Variants in ANO8 observed in about 807,000 individuals in gnomAD.
ANO8 encodes anoctamin-8.
In ANO8, 67 loss-of-function variants were observed where a neutral mutation model predicts 120.4. The ratio of observed to expected loss-of-function variants is 0.56; its 90% CI spans 0.46 to 0.68. ANO8 has a LOEUF of 0.68. Ranked by LOEUF, ANO8 falls within the 30% of genes least tolerant of loss-of-function variation. The probability of loss-of-function intolerance (pLI) is 0.00; values close to 1 mark genes in which losing one functional copy is unlikely to be tolerated. For synonymous variants in ANO8, 727 were observed against 759.2 expected (o/e 0.96, Z 0.70); for missense variants, 1,526 against 1,737.6 (o/e 0.88, Z 2.16).
rs1452965290 is a variant in ANO8, at chr19:17,334,710, G to A, written c.-40C>T. 6.0e-6 allele frequency: 8 copies of A among 1,337,296 alleles called. No individual in the cohort carries two copies. Among genetic ancestry groups the A allele is most frequent in the Non-Finnish European group, 5.7e-6 (6 of 1,044,460 alleles). The allele number at this position is 1,337,296 out of a possible 1,614,324, so 82.8% of individuals were successfully genotyped here. A position where few individuals can be genotyped will look rare whatever the true frequency, so the allele number is the denominator to read the frequency against. ...AGGTCAGGGGCTACGGACGGCCCGGGCGACGGGGAGCCGCGGGCTCATGGG... is the reference window on the plus strand; with the variant it reads ...AGGTCAGGGGCTACGGACGGCCCGGACGACGGGGAGCCGCGGGCTCATGGG... On this transcript the variant is annotated 5_prime_UTR_variant, in exon 1 of 18. Coordinates refer to ENST00000159087, the MANE Select transcript of ANO8 (RefSeq NM_020959.3).
chr19:17,331,389 C>G lies in ANO8; in HGVS notation c.609G>C (p.Gly203=). ...QPIIPELAAR[G]IIQQVFPVHE... ...GGACAGGGAACACCTGCTGGATGAT[C>G]CCACGTGCTGCCAGCTCCGGGACTG... The change falls in exon 6 of 18, where the codon GGG becomes GGC. Residue 203 remains glycine, a synonymous_variant. Transcript: ENST00000159087. The G allele has an allele frequency of 6.2e-7, 1 of 1,613,886 alleles. No homozygotes were observed. Among genetic ancestry groups the G allele is most frequent in the Non-Finnish European group, 8.5e-7 (1 of 1,179,994 alleles).
rs1568358847 is a variant in ANO8 at position 17,327,322 on chromosome 19, G to A, written c.2574C>T (p.Tyr858=). Residue 858 remains tyrosine, a synonymous_variant, in exon 16 of 18, where the codon TAC becomes TAT. Coordinates refer to ENST00000159087, the MANE Select transcript of ANO8 (RefSeq NM_020959.3). ...VLEHFALLLK[Y]LIHVAIPDIP... is the part of the protein sequence containing the mutation. ...TATCGGGGATGGCCACGTGGATGAG[G>A]TACTTGAGGAGCAGAGCGAAGTGCT... The A allele has an allele frequency of 1.3e-6, 2 of 1,550,360 alleles. No individual in the cohort carries two copies. Among genetic ancestry groups the A allele is most frequent in the African/African-American group, 1.4e-5 (1 of 73,124 alleles).
At position 17,333,068 on chromosome 19, in the gene ANO8, A is replaced by G. The variant is rs547988898; in HGVS notation, c.489+33T>C. The stretch of plus-strand genomic sequence containing the variant: ...GTGAGCTCAGGGAACTCATAGGCAC[A>G]GGATGCATGCGGGGGCCCAGAGCCG... On this transcript the variant is annotated intron_variant, in intron 4 of 17. Coordinates refer to ENST00000159087, the MANE Select transcript of ANO8 (RefSeq NM_020959.3). The surrounding 1 kb of genome is among the most constrained non-coding windows in gnomAD (Gnocchi z 7.2). 17 of 1,613,874 alleles carry G rather than the reference A, an allele frequency of 1.1e-5. No homozygotes were observed. The East Asian group carries it at 3.1e-4, about 30-fold the overall frequency.
chr19:17,330,597 C>G, intron 8 of ANO8, 93 bp from the exon 9 acceptor site: 1 of 1,440,930 alleles, frequency 6.9e-7, no homozygotes, highest in Non-Finnish European at 9.1e-7. Context: ...CAATTTCCCT[C>G]CATCATGCGG....
chr19:17,323,576 G>T lies in ANO8; in HGVS notation c.3640C>A (p.Pro1214Thr). 1 of 1,286,858 alleles carries T rather than the reference G, an allele frequency of 7.8e-7. No individual in the cohort carries two copies. 79.7% of individuals were successfully genotyped at this position (1,286,858 alleles called of 1,614,324 possible). A position where few individuals can be genotyped will look rare whatever the true frequency, so the allele number is the denominator to read the frequency against. The change falls in exon 18 of 18, where the codon CCC (proline) becomes ACC (threonine). Residue 1214 changes from proline (P) to threonine (T), a missense_variant. Physicochemically the swap from Pro to Thr is conservative, Grantham distance 38 (BLOSUM62 -1). Around this residue, in one of 8 missense-constraint regions of ANO8, gnomAD observed 489 missense variants for 548.6 expected, o/e 0.89. Coordinates refer to ENST00000159087, the MANE Select transcript of ANO8 (RefSeq NM_020959.3). ...PTSDPLETPA[P>T]SPSPSPSPQA... ...GGGCTGGGGCTGGGGCTAGGGGAGGGCGCTGGGGTCTCGAGGGGATCCGAG... is the reference window on the plus strand; with the variant it reads ...GGGCTGGGGCTGGGGCTAGGGGAGGTCGCTGGGGTCTCGAGGGGATCCGAG...
chr19:17,329,487 G>T, intron 12 of ANO8: 1 of 532,928 alleles, frequency 1.9e-6, no homozygotes, highest in Non-Finnish European at 3.4e-6. Flanking sequence ...AGCGGGACCA[G>T]CACCGCCTGC....
Position 17,328,593 on chromosome 19 carries a change from C to G in ANO8, c.1795G>C (p.Glu599Gln). The G allele has an allele frequency of 6.5e-7, 1 of 1,545,596 alleles. No individual in the cohort carries two copies. Among genetic ancestry groups the G allele is most frequent in the Non-Finnish European group, 8.7e-7 (1 of 1,145,506 alleles). The change falls in exon 13 of 18, where the codon GAG becomes CAG. Residue 599 changes from glutamate to glutamine, a missense_variant. Transcript: ENST00000159087. ...EEEDEEEEED[E>Q]EEGEEGGLLD... Reference sequence around the variant, plus strand: ...AGGCCCCCTTCCTCGCCCTCCTCCTCGTCCTCCTCTTCCTCCTCGTCCTCC... The same window carrying G: ...AGGCCCCCTTCCTCGCCCTCCTCCTGGTCCTCCTCTTCCTCCTCGTCCTCC...
rs377317921 is a variant in ANO8, at chr19:17,329,827, T to C, written c.1334A>G (p.Gln445Arg). Residue 445 changes from glutamine (Q) to arginine (R), a missense_variant, in exon 12 of 18, where the codon CAG (glutamine) becomes CGG (arginine). By Grantham distance (43) the Gln-to-Arg change is conservative (BLOSUM62 1). Around this residue, in one of 8 missense-constraint regions of ANO8, gnomAD observed 23 missense variants for 53.3 expected, o/e 0.43. Coordinates refer to ENST00000159087, the MANE Select transcript of ANO8 (RefSeq NM_020959.3). Reference protein sequence around the residue: ...KHLIIKVVLFQFVNSYLSLFY... With the variant: ...KHLIIKVVLFRFVNSYLSLFY... ...GAGGCTCAGGTACGAGTTGACAAACTGGAACTGCAGGAAGGAGGCAGGCGG... is the reference window on the plus strand; with the variant it reads ...GAGGCTCAGGTACGAGTTGACAAACCGGAACTGCAGGAAGGAGGCAGGCGG... 2 of 1,613,952 alleles carry C rather than the reference T, an allele frequency of 1.2e-6. No individual in the cohort carries two copies. Among genetic ancestry groups the C allele is most frequent in the South Asian group, 2.2e-5 (2 of 91,090 alleles).
rs755124 is a variant in ANO8 at position 17,325,042 on chromosome 19, G to T, written c.3006C>A (p.Ala1002=). ...GATSSLAAAG[A]GATTRPPPAQ... ...CAGGGGGAGGCCGGGTGGTGGCTCCGGCCCCTGCAGCAGCCAGTGAGGATG... is the reference window on the plus strand; with the variant it reads ...CAGGGGGAGGCCGGGTGGTGGCTCCTGCCCCTGCAGCAGCCAGTGAGGATG... The change falls in exon 17 of 18, where the codon GCC becomes GCA. Residue 1002 remains alanine (A), a synonymous_variant. Transcript: ENST00000159087. 156,891 of 1,612,926 alleles carry T rather than the reference G, an allele frequency of 0.097. 8,384 individuals carry two copies. The highest frequency in any genetic ancestry group is 0.11 in the Non-Finnish European group (130,899 of 1,179,852).
In ANO8 at chr19:17,324,970, G is replaced by A. The variant is rs1339510466; in HGVS notation, c.3078C>T (p.Ser1026=). The change falls in exon 17 of 18, where the codon AGC becomes AGT. Residue 1026 remains serine (S), a synonymous_variant. Coordinates refer to ENST00000159087, the MANE Select transcript of ANO8 (RefSeq NM_020959.3). ...TCTCGGGTGACTTGAGGAACTTGAA[G>A]CTGAGGAAGGCAGGCAGGCGGGTGT... is the stretch of plus-strand genomic sequence containing the variant. ...GSDTRLPAFL[S]FKFLKSPETR... The A allele has an allele frequency of 3.1e-6, 5 of 1,613,278 alleles. No homozygotes were observed. In the East Asian group the frequency reaches 8.9e-5, roughly 29 times the overall value.
At chr19:17,332,628 C>G (rs2074327402) in intron 5 of ANO8, among the ~76,000 whole-genome samples, 1 of 152,190 alleles carries the variant, frequency 6.6e-6, no homozygotes, top group Non-Finnish European at 1.5e-5. Flanking sequence ...AAGCCCCACC[C>G]TTTGGCCAAA....
chr19:17,330,099 C>T, intron 10 of ANO8, 26 bp downstream of exon 10: 9 of 1,613,930 alleles, frequency 5.6e-6, no homozygotes, highest in Non-Finnish European at 7.6e-6. Flanking sequence ...AGACCTTCCT[C>T]CCAGAGACCC....
In ANO8 at chr19:17,330,876, C is replaced by A. The variant is rs760754433; in HGVS notation, c.945G>T (p.Thr315=). The A allele has an allele frequency of 2.5e-6, 4 of 1,614,174 alleles. No homozygotes were observed. In the South Asian group the frequency reaches 4.4e-5, roughly 18 times the overall value. Residue 315 remains threonine, a synonymous_variant, in exon 8 of 18, where the codon ACG becomes ACT. Coordinates refer to ENST00000159087, the MANE Select transcript of ANO8 (RefSeq NM_020959.3). ...CCACGGCTTCCCCAGGTGAGTCCAG[C>A]GTCCCCCACTTATATGCCAGCTCAG... ...RGAELAYKWG[T]LDSPGEAVEE...
chr19:17,333,708 C>T lies in ANO8; in HGVS notation c.199G>A (p.Val67Met). 1 of 1,603,352 alleles carries T rather than the reference C, an allele frequency of 6.2e-7. No homozygotes were observed. The highest frequency in any genetic ancestry group is 8.5e-7 in the Non-Finnish European group (1 of 1,176,218). ...TGGGTACCTGGGAAGGTCATCAGCA[C>T]GTCGCAGTTCTCTGTAGGCACCGTC... ...MKTVPTENCDVLMTFPDTTDD... is the reference protein window; with the variant it reads ...MKTVPTENCDMLMTFPDTTDD... The change falls in exon 2 of 18, where the codon GTG (valine) becomes ATG (methionine). Residue 67 changes from valine (V) to methionine (M), a missense_variant. Val to Met is a conservative substitution (Grantham distance 21, BLOSUM62 1). Around this residue, in one of 8 missense-constraint regions of ANO8, gnomAD observed 322 missense variants for 431.8 expected, o/e 0.75. Transcript: ENST00000159087. This position sits in a 1 kb window ranked among gnomAD's most constrained non-coding sequence, Gnocchi z 7.2.
intron 11 of ANO8, 50 bp downstream of exon 11, chr19:17,329,909 C>G (rs566583230): frequency 1.2e-6 from 2 of 1,613,434 alleles, no homozygotes; most frequent in Non-Finnish European, 1.7e-6. Context: ...CCCATACAGA[C>G]GGCACAGCTT....
At position 17,333,414 on chromosome 19, in the gene ANO8, G is replaced by A. The variant is rs2145692479; in HGVS notation, c.350+8C>T. 1 of 1,613,804 alleles carries A rather than the reference G, an allele frequency of 6.2e-7. No individual in the cohort carries two copies. Among genetic ancestry groups the A allele is most frequent in the Non-Finnish European group, 8.5e-7 (1 of 1,180,012 alleles). On this transcript the variant is annotated splice_region_variant and intron_variant, in intron 3 of 17. Coordinates refer to ENST00000159087, the MANE Select transcript of ANO8 (RefSeq NM_020959.3). The surrounding 1 kb of genome is among the most constrained non-coding windows in gnomAD (Gnocchi z 7.2). ...GGCTCAGCGAGAGGCCAGGGACAGG[G>A]GACTCGCCTCTCATACGTGGCGGTG...
chr19:17,324,838 G>A lies in ANO8; in HGVS notation c.3210C>T (p.Gly1070=), dbSNP rs150818557. ...GGGTCCCATCTGGCCGGGCCTGCCC[G>A]CCCGCCCCGTTGGACCCAGGCTCAG... ...TRAEPGSNGA[G]GQARPDGTPS... The change falls in exon 17 of 18, where the codon GGC becomes GGT. Residue 1070 remains glycine, a synonymous_variant. Coordinates refer to ENST00000159087, the MANE Select transcript of ANO8 (RefSeq NM_020959.3). The A allele has an allele frequency of 2.1e-3, 3,325 of 1,611,558 alleles. 12 individuals are homozygous for A. Among genetic ancestry groups the A allele is most frequent in the Middle Eastern group, 0.011 (68 of 6,050 alleles).
At chr19:17,329,027 C>A (rs1398799853) in intron 12 of ANO8, 44 bp from the exon 13 acceptor site, 3 of 1,385,200 alleles carry the variant, frequency 2.2e-6, no homozygotes, top group East Asian at 6.1e-5. Context: ...GGGGGGCAAG[C>A]GGGGCGCCGG....
At position 17,325,003 on chromosome 19, in the gene ANO8, T is replaced by C; in HGVS notation, c.3045A>G (p.Thr1015=). The C allele has an allele frequency of 6.2e-7, 1 of 1,612,942 alleles. No homozygotes were observed. Among genetic ancestry groups the C allele is most frequent in the Non-Finnish European group, 8.5e-7 (1 of 1,179,888 alleles). ...AGGCAGGCAGGCGGGTGTCGCTGCC[T>C]GTGGGTGACTGGGCAGGGGGAGGCC... is the stretch of plus-strand genomic sequence containing the variant. ...TTRPPPAQSP[T]GSDTRLPAFL... The change falls in exon 17 of 18, where the codon ACA becomes ACG. Residue 1015 remains threonine, a synonymous_variant. Coordinates refer to ENST00000159087, the MANE Select transcript of ANO8 (RefSeq NM_020959.3).
Sources: allele counts gnomAD v4.1 joint callset (sites outside exome capture counted in the v4.1 genomes callset), GRCh38; gene constraint gnomAD v4.1.1; regional missense constraint gnomAD v4.1.1; non-coding constraint Gnocchi (gnomAD v3.1); transcripts MANE v1.5; gene names NCBI Gene and HGNC (gene_info 2026-07-23, HGNC 2026-07-21).